Variants in PRKG1 observed in about 807,000 individuals in gnomAD.
PRKG1 encodes the protein protein kinase cGMP-dependent 1.
Under a neutral mutation model 88.1 loss-of-function variants are expected in PRKG1, and 35 were observed. The observed-to-expected ratio is 0.40, with a 90% confidence interval of 0.30 to 0.53. The LOEUF (loss-of-function observed/expected upper bound fraction) is 0.53, where lower values mean the gene tolerates loss of function less well. PRKG1 is among the 20% of genes least tolerant of loss of function. The probability of loss-of-function intolerance (pLI) is 0.59; values close to 1 mark genes in which losing one functional copy is unlikely to be tolerated. For missense variants in PRKG1, 540 were observed against 839.8 expected, an observed-to-expected ratio of 0.64 and a Z score of 4.41; for synonymous variants, 303 against 292.5, an observed-to-expected ratio of 1.04 and a Z score of -0.37.
At chr10:51,508,670 G>A (rs1841302753) in intron 3 of PRKG1, among the ~76,000 whole-genome samples, 1 of 152,034 alleles carries the variant, frequency 6.6e-6, no homozygotes, top group Admixed American at 6.6e-5. Flanking sequence ...ACAGAAAACT[G>A]TCTCAGTACT....
intron 3 of PRKG1, among the ~76,000 whole-genome samples, chr10:51,749,576 A>G (rs74132406): frequency 0.014 from 2,134 of 152,250 alleles, 53 homozygotes; most frequent in African/African-American, 0.049. Flanking sequence ...ATGTAGTCAC[A>G]TTTGGGGGTT....
chr10:51,957,958 T>G (rs1175232221), intron 5 of PRKG1, among the ~76,000 whole-genome samples: 1 of 152,204 alleles, frequency 6.6e-6, no homozygotes, highest in African/African-American at 2.4e-5. Flanking sequence ...TGAATGATGC[T>G]TTTTGAATGA....
At chr10:51,005,273 A>T (rs889279315) in intron 1 of PRKG1, among the ~76,000 whole-genome samples, 5 of 152,218 alleles carry the variant, frequency 3.3e-5, no homozygotes, top group African/African-American at 9.6e-5. Flanking sequence ...ATAATTAAAA[A>T]AAAATAAAAT....
chr10:51,552,622 T>A (rs983412533), intron 3 of PRKG1, among the ~76,000 whole-genome samples: 1 of 151,634 alleles, frequency 6.6e-6, no homozygotes, highest in Admixed American at 6.6e-5. Flanking sequence ...CTCTCCCCCA[T>A]TTAATGTGAC....
At chr10:52,172,737 A>G (rs1564501601) in intron 9 of PRKG1, among the ~76,000 whole-genome samples, 1 of 152,204 alleles carries the variant, frequency 6.6e-6, no homozygotes, top group Non-Finnish European at 1.5e-5. Flanking sequence ...AACTCTAGAG[A>G]TAAAATGTTT....
At chr10:51,688,026 T>G (rs1164389823) in intron 3 of PRKG1, among the ~76,000 whole-genome samples, 1 of 152,182 alleles carries the variant, frequency 6.6e-6, no homozygotes, top group South Asian at 2.1e-4. Flanking sequence ...TTTTTGCCAA[T>G]TCTTGATTTT....
chr10:52,117,588 G>A (rs1038662935), intron 7 of PRKG1, among the ~76,000 whole-genome samples: 7 of 151,678 alleles, frequency 4.6e-5, no homozygotes, highest in Non-Finnish European at 7.4e-5. Flanking sequence ...CTCTCTACTC[G>A]GAAATTACTT....
intron 3 of PRKG1, among the ~76,000 whole-genome samples, chr10:51,733,058 A>G (rs1175051487): frequency 6.6e-6 from 1 of 151,944 alleles, no homozygotes; most frequent in Non-Finnish European, 1.5e-5. Flanking sequence ...TAAAAATAAA[A>G]AATAAACAAC....
chr10:51,588,200 G>A (rs1380819634), intron 3 of PRKG1, among the ~76,000 whole-genome samples: 1 of 152,070 alleles, frequency 6.6e-6, no homozygotes, highest in African/African-American at 2.4e-5. Context: ...CAGGCATTGA[G>A]TATACAGTGC....
At chr10:51,269,042 A>G (rs927918602) in intron 2 of PRKG1, among the ~76,000 whole-genome samples, 1 of 152,180 alleles carries the variant, frequency 6.6e-6, no homozygotes, top group Non-Finnish European at 1.5e-5. Context: ...AAACAATCCT[A>G]TCAAAAAGTG....
intron 3 of PRKG1, among the ~76,000 whole-genome samples, chr10:51,574,322 A>G (rs983128312): frequency 6.6e-6 from 1 of 151,958 alleles, no homozygotes; most frequent in Non-Finnish European, 1.5e-5. Flanking sequence ...TTTGGATGTT[A>G]TAGCTAATTT....
chr10:51,151,372 A>G (rs900537717), intron 1 of PRKG1, among the ~76,000 whole-genome samples: 2 of 151,992 alleles, frequency 1.3e-5, no homozygotes, highest in Non-Finnish European at 2.9e-5. Flanking sequence ...TTTATCCCCT[A>G]CCATTTACTG....
chr10:51,414,002 T>C (rs1406729266), intron 2 of PRKG1, among the ~76,000 whole-genome samples: 5 of 152,196 alleles, frequency 3.3e-5, no homozygotes, highest in Non-Finnish European at 7.4e-5. Context: ...ATATTCACTG[T>C]GACATGCAGT....
intron 5 of PRKG1, among the ~76,000 whole-genome samples, chr10:51,987,175 G>C (rs905226626): frequency 6.6e-6 from 1 of 152,172 alleles, no homozygotes; most frequent in East Asian, 1.9e-4. Context: ...GGTGGTTCAG[G>C]TTAGTAAATA....
chr10:51,051,747 TAC>T (rs1843564475), intron 1 of PRKG1, among the ~76,000 whole-genome samples: 1 of 152,118 alleles, frequency 6.6e-6, no homozygotes, highest in African/African-American at 2.4e-5. Flanking sequence ...TTCCCCATAA[TAC>T]ACTGGCCTGC....
chr10:51,918,056 G>A (rs751720817), intron 5 of PRKG1, among the ~76,000 whole-genome samples: 2 of 152,146 alleles, frequency 1.3e-5, no homozygotes, highest in Non-Finnish European at 2.9e-5. Flanking sequence ...CCAGGCTAAG[G>A]CCATTTGTCT....
intron 1 of PRKG1, among the ~76,000 whole-genome samples, chr10:51,024,721 G>A (rs1843184394): frequency 6.6e-6 from 1 of 152,142 alleles, no homozygotes; most frequent in South Asian, 2.1e-4. Context: ...AAGGTGAAGG[G>A]GAAGCAGGCA....
intron 2 of PRKG1, among the ~76,000 whole-genome samples, chr10:51,277,100 AC>A (rs1840143913): frequency 6.6e-6 from 1 of 152,208 alleles, no homozygotes; most frequent in South Asian, 2.1e-4. Context: ...TTTAGGTCTA[AC>A]GTTTAAGTCT....
chr10:51,674,197 T>G (rs1436193890), intron 3 of PRKG1, among the ~76,000 whole-genome samples: 4 of 152,146 alleles, frequency 2.6e-5, no homozygotes, highest in African/African-American at 9.7e-5. Flanking sequence ...TACTTTAAGT[T>G]CTGGGGTACA....
Sources: allele counts gnomAD v4.1 joint callset (sites outside exome capture counted in the v4.1 genomes callset), GRCh38; gene constraint gnomAD v4.1.1; transcripts MANE v1.5; gene names NCBI Gene and HGNC (gene_info 2026-07-23, HGNC 2026-07-21).